Variants in ME1 observed in about 807,000 individuals in gnomAD.
The protein encoded by ME1 is NADP-dependent malic enzyme.
Under a neutral mutation model 66.4 loss-of-function variants are expected in ME1, and 74 were observed. The ratio of observed to expected loss-of-function variants is 1.11; its 90% CI spans 0.92 to 1.35. ME1 has a LOEUF of 1.35. ME1 is among the 40% of genes most tolerant of loss of function. ME1 has a pLI of 0.00. For synonymous variants in ME1, 251 were observed against 235.6 expected (o/e 1.07, Z -0.60); for missense variants, 750 against 694.1 (o/e 1.08, Z -0.90).
intron 9 of ME1, among the ~76,000 whole-genome samples, chr6:83,237,208 G>C (rs368220204): frequency 7.3e-6 from 1 of 136,148 alleles, no homozygotes; most frequent in African/African-American, 2.8e-5. Flanking sequence ...AACAGAGAGA[G>C]AGAGAGAGAC....
At chr6:83,394,471 A>G (rs549662280) in intron 3 of ME1, among the ~76,000 whole-genome samples, 14 of 152,294 alleles carry the variant, frequency 9.2e-5, no homozygotes, top group African/African-American at 3.4e-4. Context: ...TGTAGTTTAG[A>G]TCAACTATAG....
chr6:83,332,316 A>C (rs1583386464), intron 5 of ME1, among the ~76,000 whole-genome samples: 1 of 152,362 alleles, frequency 6.6e-6, no homozygotes, highest in Non-Finnish European at 1.5e-5. Flanking sequence ...GAGAATGTAA[A>C]TTAGTATATC....
intron 5 of ME1, among the ~76,000 whole-genome samples, chr6:83,340,723 T>C (rs1768563608): frequency 6.6e-6 from 1 of 152,086 alleles, no homozygotes; most frequent in Admixed American, 6.6e-5. Flanking sequence ...GGTTATGCTC[T>C]TTTTAAAAAC....
intron 6 of ME1, among the ~76,000 whole-genome samples, chr6:83,290,633 T>G (rs1456299310): frequency 6.6e-6 from 1 of 152,206 alleles, no homozygotes; most frequent in Non-Finnish European, 1.5e-5. Flanking sequence ...TGTAGATGTC[T>G]ATTAGGTCCA....
chr6:83,387,599 T>A (rs759984326), intron 3 of ME1, among the ~76,000 whole-genome samples: 1 of 152,082 alleles, frequency 6.6e-6, no homozygotes, highest in Admixed American at 6.6e-5. Flanking sequence ...AAATTACATA[T>A]TAAGTAATAA....
intron 1 of ME1, among the ~76,000 whole-genome samples, chr6:83,416,685 G>A (rs1379907122): frequency 3.3e-5 from 5 of 151,954 alleles, no homozygotes; most frequent in Admixed American, 1.3e-4. Flanking sequence ...GCTCAGGAGT[G>A]CGAGACCAGC....
chr6:83,356,343 G>C (rs538610219), intron 3 of ME1, among the ~76,000 whole-genome samples: 13 of 152,172 alleles, frequency 8.5e-5, no homozygotes, highest in African/African-American at 3.1e-4. Context: ...TGAGCCCTGT[G>C]AGTTAAGCCA....
intron 6 of ME1, among the ~76,000 whole-genome samples, chr6:83,283,011 G>A (rs1767328484): frequency 6.6e-6 from 1 of 151,280 alleles, no homozygotes; most frequent in Non-Finnish European, 1.5e-5. Context: ...GGCGGATCAC[G>A]AGGTCAGGAG....
intron 3 of ME1, among the ~76,000 whole-genome samples, chr6:83,381,419 G>A (rs1041174544): frequency 1.2e-4 from 18 of 148,984 alleles, no homozygotes; most frequent in Middle Eastern, 3.2e-3. Flanking sequence ...TTTTTGAGAC[G>A]GAGTCTCGCT....
At chr6:83,351,414 C>T (rs1189104860) in intron 4 of ME1, among the ~76,000 whole-genome samples, 1 of 152,096 alleles carries the variant, frequency 6.6e-6, no homozygotes, top group Non-Finnish European at 1.5e-5. Flanking sequence ...ACACTTCTCA[C>T]CTCCCTTAGA....
chr6:83,306,128 A>G (rs1019067579), intron 6 of ME1, among the ~76,000 whole-genome samples: 1 of 152,054 alleles, frequency 6.6e-6, no homozygotes, highest in African/African-American at 2.4e-5. Flanking sequence ...TAACTCAGGA[A>G]ATCATATTGA....
At chr6:83,413,581 A>AT (rs1221904526) in intron 1 of ME1, among the ~76,000 whole-genome samples, 1 of 151,964 alleles carries the variant, frequency 6.6e-6, no homozygotes, top group South Asian at 2.1e-4. Context: ...GACCCTTTAT[A>AT]TTTTTATTAT....
rs141500085 is a variant in ME1 at position 83,363,772 on chromosome 6, T to G, written c.363-11633A>C. ...ATACACTTGTACTAAGAAAATATCT[T>G]CATTTTATTTCCTTCCTCCTTTATC... is the stretch of plus-strand genomic sequence containing the variant. On this transcript the variant is annotated intron_variant, in intron 3 of 13. Transcript: ENST00000369705. Among the ~76,000 whole-genome samples, 696 of 152,328 alleles carry G rather than the reference T, an allele frequency of 4.6e-3. 2 individuals carry two copies. The highest frequency in any genetic ancestry group is 0.015 in the African/African-American group (638 of 41,582).
At chr6:83,420,640 T>A (rs1171096401) in intron 1 of ME1, among the ~76,000 whole-genome samples, 1 of 152,154 alleles carries the variant, frequency 6.6e-6, no homozygotes. Context: ...ATAAAAGAGG[T>A]TATTGTGCAT....
chr6:83,334,114 G>A (rs562069796), intron 5 of ME1, among the ~76,000 whole-genome samples: 50 of 152,236 alleles, frequency 3.3e-4, no homozygotes, highest in African/African-American at 1.0e-3. Flanking sequence ...TGCGTGCACC[G>A]TGCGCGAGCC....
intron 7 of ME1, among the ~76,000 whole-genome samples, chr6:83,251,071 G>A (rs994269889): frequency 7.2e-5 from 11 of 152,172 alleles, no homozygotes; most frequent in African/African-American, 1.4e-4. Flanking sequence ...TTCCACTAAC[G>A]TTAAATACTT....
At chr6:83,232,872 C>T (rs1454071126) in intron 9 of ME1, among the ~76,000 whole-genome samples, 1 of 151,976 alleles carries the variant, frequency 6.6e-6, no homozygotes. Context: ...AGGAGCTAAA[C>T]ATTTAACTAT....
At position 83,276,944 on chromosome 6, in the gene ME1, T is replaced by G. The variant is rs749769735; in HGVS notation, c.705-23206A>C. Among the ~76,000 whole-genome samples, 164 of 152,232 alleles carry G rather than the reference T, an allele frequency of 1.1e-3. 4 individuals carry two copies. The highest frequency in any genetic ancestry group is 3.1e-4 in the Non-Finnish European group (21 of 68,040). On this transcript the variant is annotated intron_variant, in intron 6 of 13. Transcript: ENST00000369705. Reference sequence around the variant, plus strand: ...ATAAGAAAGAGACAAATAACTTATATGCTACACTACAGTTCCCTAGCTCTG... The same window carrying G: ...ATAAGAAAGAGACAAATAACTTATAGGCTACACTACAGTTCCCTAGCTCTG...
At chr6:83,358,293 G>A (rs898835132) in intron 3 of ME1, among the ~76,000 whole-genome samples, 1 of 152,068 alleles carries the variant, frequency 6.6e-6, no homozygotes, top group Non-Finnish European at 1.5e-5. Flanking sequence ...GGAGTTTAGT[G>A]ACTCTATACC....
Sources: allele counts gnomAD v4.1 joint callset (sites outside exome capture counted in the v4.1 genomes callset), GRCh38; gene constraint gnomAD v4.1.1; transcripts MANE v1.5; gene names NCBI Gene and HGNC (gene_info 2026-07-23, HGNC 2026-07-21).